The following LIN54 variants were observed in gnomAD, a reference collection of about 807,000 sequenced individuals.
LIN54 encodes the protein protein lin-54 homolog.
In LIN54, 9 loss-of-function variants were observed where a neutral mutation model predicts 78.7. The observed-to-expected ratio is 0.11, with a 90% confidence interval of 0.07 to 0.20. The LOEUF is 0.20. Among genes scored for constraint, LIN54 ranks in the 10% least tolerant of loss-of-function variants. The pLI is 1.00. For missense variants in LIN54, 573 were observed against 889.9 expected, an observed-to-expected ratio of 0.64 and a Z score of 4.53; for synonymous variants, 269 against 318.4, an observed-to-expected ratio of 0.84 and a Z score of 1.65.
chr4:82,978,727 G>T (rs1726376140), intron 3 of LIN54, among the ~76,000 whole-genome samples, 156 bp downstream of exon 3: 3 of 152,152 alleles, frequency 2.0e-5, no homozygotes, highest in Admixed American at 2.0e-4. Flanking sequence ...TTCAGATGAG[G>T]CATTTTGCTT....
rs1729810292 is a variant in LIN54, at chr4:83,010,815, A to G, written c.-364T>C. On this transcript the variant is annotated 5_prime_UTR_variant, in exon 1 of 13. Coordinates refer to ENST00000340417, the MANE Select transcript of LIN54 (RefSeq NM_194282.4). ...AGCCCGGGCCGCCGCCGCCGCCGCC[A>G]CCACCAGTAACCTCCCCCTTCCTCC... The G allele has an allele frequency of 1.1e-5, 13 of 1,232,124 alleles. No individual in the cohort carries two copies. Among genetic ancestry groups the G allele is most frequent in the African/African-American group, 1.6e-5 (1 of 64,178 alleles). The allele number at this position is 1,232,124 out of a possible 1,614,324, so 76.3% of individuals were successfully genotyped here.
chr4:82,989,005 G>T (rs1027049987), intron 1 of LIN54, among the ~76,000 whole-genome samples: 6 of 151,992 alleles, frequency 3.9e-5, no homozygotes, highest in Non-Finnish European at 7.4e-5. Context: ...TGTCTAACAT[G>T]GTGAAACCCC....
At chr4:82,992,285 G>C (rs1727784960) in intron 1 of LIN54, among the ~76,000 whole-genome samples, 1 of 152,198 alleles carries the variant, frequency 6.6e-6, no homozygotes, top group Non-Finnish European at 1.5e-5. Flanking sequence ...TGCAGGATCT[G>C]TAGAAATGTC....
intron 2 of LIN54, among the ~76,000 whole-genome samples, chr4:82,980,136 G>A (rs566312089): frequency 4.0e-4 from 60 of 151,886 alleles, no homozygotes; most frequent in Admixed American, 7.9e-4. Context: ...GCACACTGTT[G>A]ACCTGAATTA....
rs1482464677 is a variant in LIN54 at position 82,984,550 on chromosome 4, G to A, written c.295C>T (p.Leu99Phe). Residue 99 changes from leucine to phenylalanine, a missense_variant, in exon 2 of 13, where the codon CTT (leucine) becomes TTT (phenylalanine). Leu to Phe is a conservative substitution (Grantham distance 22, BLOSUM62 0). Around this residue, in one of 6 missense-constraint regions of LIN54, gnomAD observed 183 missense variants for 228.4 expected, o/e 0.80. Coordinates refer to ENST00000340417, the MANE Select transcript of LIN54 (RefSeq NM_194282.4). ...TTVKPAFPSG[L>F]QKLGAQTPVT... ...GGAGTCTGAGCACCAAGTTTTTGAAGGCCACTTGGAAAAGCTGGTTTCACT... is the reference window on the plus strand; with the variant it reads ...GGAGTCTGAGCACCAAGTTTTTGAAAGCCACTTGGAAAAGCTGGTTTCACT... 6.2e-7 allele frequency: 1 copy of A among 1,614,130 alleles called. No homozygotes were observed. The highest frequency in any genetic ancestry group is 8.5e-7 in the Non-Finnish European group (1 of 1,180,018).
chr4:82,930,172 T>G (rs887747404), intron 12 of LIN54, among the ~76,000 whole-genome samples: 1 of 152,208 alleles, frequency 6.6e-6, no homozygotes, highest in Non-Finnish European at 1.5e-5. Context: ...GTGCTGGGAT[T>G]ATAGGCGTGA....
chr4:83,010,767 TCAG>T lies in LIN54; in HGVS notation c.-319_-317del. On this transcript the variant is annotated 5_prime_UTR_variant, in exon 1 of 13. Coordinates refer to ENST00000340417, the MANE Select transcript of LIN54 (RefSeq NM_194282.4). ...TTCACCTCGTCATCACCATCACAGC[TCAG>T]CAGCTTCCCCGACAGCCGGAGCCCG... The T allele has an allele frequency of 8.1e-7, 1 of 1,227,058 alleles. No individual in the cohort carries two copies. The highest frequency in any genetic ancestry group is 1.0e-6 in the Non-Finnish European group (1 of 985,372). 76.0% of individuals were successfully genotyped at this position (1,227,058 alleles called of 1,614,324 possible).
Position 82,952,290 on chromosome 4 carries a change from C to A in LIN54, c.952-5816G>T, listed in dbSNP as rs77031097. 6.9e-3 allele frequency among the ~76,000 whole-genome samples: 1,050 copies of A among 152,076 alleles called. 16 individuals are homozygous for A. The highest frequency in any genetic ancestry group is 0.024 in the African/African-American group (1,011 of 41,498). ...AAACGTAATAACAAAAATAAGCAATCCAATTTTAAAATGAGCAAAGAACTT... is the reference window on the plus strand; with the variant it reads ...AAACGTAATAACAAAAATAAGCAATACAATTTTAAAATGAGCAAAGAACTT... On this transcript the variant is annotated intron_variant, in intron 4 of 12. Transcript: ENST00000340417.
Position 82,966,546 on chromosome 4 carries a change from C to CA in LIN54, c.951+3780dup, listed in dbSNP as rs568907997. 1.1e-3 allele frequency among the ~76,000 whole-genome samples: 165 copies of CA among 148,970 alleles called. 1 individual carries two copies. Among genetic ancestry groups the CA allele is most frequent in the Non-Finnish European group, 1.5e-3 (103 of 67,102 alleles). On this transcript the variant is annotated intron_variant, in intron 4 of 12. Transcript: ENST00000340417. ...TCAGTGAGGGGGGAAAAAAAACCAA[C>CA]AAAAAAAAACACCTCTGAGACAGAG...
At chr4:82,986,854 T>C (rs1011115428) in intron 1 of LIN54, among the ~76,000 whole-genome samples, 2 of 152,190 alleles carry the variant, frequency 1.3e-5, no homozygotes, top group African/African-American at 2.4e-5. Flanking sequence ...TAATTTAATT[T>C]ATCCTCACAA....
At chr4:82,945,473 A>T (rs1320931265) in intron 5 of LIN54, among the ~76,000 whole-genome samples, 1 of 152,094 alleles carries the variant, frequency 6.6e-6, no homozygotes, top group East Asian at 1.9e-4. Flanking sequence ...GGAAAATACA[A>T]CTAAGCAAAA....
At chr4:82,946,624 A>G in intron 4 of LIN54, 150 bp from the exon 5 acceptor site, 3 of 642,944 alleles carry the variant, frequency 4.7e-6, no homozygotes, top group Non-Finnish European at 7.9e-6. Context: ...AGAAATGAAA[A>G]GAATGGTAAT....
At chr4:83,009,455 T>C (rs975601047) in intron 1 of LIN54, among the ~76,000 whole-genome samples, 6 of 152,180 alleles carry the variant, frequency 3.9e-5, no homozygotes, top group African/African-American at 7.2e-5. Flanking sequence ...GGGTCCAAAT[T>C]AATGTATAAA....
In LIN54 at chr4:82,938,465, T is replaced by C. The variant is rs1219638392; in HGVS notation, c.1480A>G (p.Thr494Ala). 6.2e-7 allele frequency: 1 copy of C among 1,611,890 alleles called. No individual in the cohort carries two copies. Among genetic ancestry groups the C allele is most frequent in the South Asian group, 1.1e-5 (1 of 91,010 alleles). ...TGGATACCAGATGTTCCAGTAAAGG[T>C]AGAGTTGCTTGCTATTGATACATAT... ...SSYVSIASNSTFTGTSGIQTQ... is the reference protein window; with the variant it reads ...SSYVSIASNSAFTGTSGIQTQ... Residue 494 changes from threonine (T) to alanine (A), a missense_variant, in exon 8 of 13, where the codon ACC (threonine) becomes GCC (alanine). Transcript: ENST00000340417.
At chr4:82,939,493 C>T in intron 7 of LIN54, 46 bp downstream of exon 7, 1 of 1,476,688 alleles carries the variant, frequency 6.8e-7, no homozygotes, top group Non-Finnish European at 9.5e-7. Flanking sequence ...CATCTTGGAC[C>T]CCATTATCAC....
intron 1 of LIN54, among the ~76,000 whole-genome samples, chr4:82,998,662 A>G (rs1728472601): frequency 6.6e-6 from 1 of 151,982 alleles, no homozygotes; most frequent in South Asian, 2.1e-4. Flanking sequence ...GAAAGAAAGA[A>G]TCTGAGTGTT....
intron 4 of LIN54, among the ~76,000 whole-genome samples, chr4:82,952,669 T>C (rs1723936165): frequency 1.3e-5 from 2 of 152,190 alleles, no homozygotes; most frequent in Admixed American, 6.5e-5. Context: ...CTCACGTTCA[T>C]AGCAGCACTA....
chr4:82,937,376 A>G (rs1224883070), intron 8 of LIN54, 78 bp from the exon 9 acceptor site: 1 of 856,442 alleles, frequency 1.2e-6, no homozygotes, highest in Non-Finnish European at 1.8e-6. Flanking sequence ...CAACTAATTT[A>G]AAATTTAAAA....
At chr4:83,012,020 T>A (rs1729881989), upstream of LIN54, 1 of 985,146 alleles carries the variant, frequency 1.0e-6, no homozygotes, top group Admixed American at 6.2e-5. Context: ...TTTCCCTACC[T>A]TGTTTCAATG....
Sources: allele counts gnomAD v4.1 joint callset (sites outside exome capture counted in the v4.1 genomes callset), GRCh38; gene constraint gnomAD v4.1.1; regional missense constraint gnomAD v4.1.1; transcripts MANE v1.5; gene names NCBI Gene and HGNC (gene_info 2026-07-23, HGNC 2026-07-21).